ZNF143: variants seen among roughly 807,000 people sequenced by gnomAD.
The protein encoded by ZNF143 is zinc finger protein 143.
A neutral mutation model predicts 74.1 loss-of-function variants in ZNF143; 49 were observed. The observed-to-expected ratio is 0.66, with a 90% CI of 0.53 to 0.84. The LOEUF is 0.84. ZNF143 is among the 40% of genes least tolerant of loss of function. The pLI, the probability that ZNF143 is intolerant of heterozygous loss-of-function variation, is 0.00. For missense variants in ZNF143, 637 were observed against 793.4 expected, an observed-to-expected ratio of 0.80 and a Z score of 2.37; for synonymous variants, 304 against 282.8, an observed-to-expected ratio of 1.07 and a Z score of -0.75.
In ZNF143 at chr11:9,515,122, C is replaced by T. The variant is rs140101267; in HGVS notation, c.1525-1079C>T. Among the ~76,000 whole-genome samples the T allele has an allele frequency of 8.2e-3, 1,242 of 151,500 alleles. 18 individuals carry two copies. Among genetic ancestry groups the T allele is most frequent in the Non-Finnish European group, 8.7e-3 (587 of 67,800 alleles). ...CAGCCTGGGCAACAAGAGTGAAACT[C>T]CTCAAAAAAAAAGTCTGAACTATAG... On this transcript the variant is annotated intron_variant, in intron 13 of 15. Transcript: ENST00000396602.
chr11:9,512,694 G>T, intron 13 of ZNF143, 98 bp downstream of exon 13: 10 of 1,492,794 alleles, frequency 6.7e-6, no homozygotes, highest in Non-Finnish European at 9.1e-6. Flanking sequence ...TGAAATATCA[G>T]GGCACAAAGT....
At chr11:9,479,031 ATAGAT>A (rs1356601037) in intron 6 of ZNF143, among the ~76,000 whole-genome samples, 2 of 152,224 alleles carry the variant, frequency 1.3e-5, no homozygotes, top group Non-Finnish European at 2.9e-5. Context: ...AGTAGGAACT[ATAGAT>A]TAGGAAAAGT....
At chr11:9,470,531 A>G (rs1203713743) in intron 1 of ZNF143, among the ~76,000 whole-genome samples, 2 of 152,154 alleles carry the variant, frequency 1.3e-5, no homozygotes, top group African/African-American at 2.4e-5. Context: ...GATACTGGGG[A>G]CAATGTTTCA....
chr11:9,493,404 A>C (rs1328619886), intron 7 of ZNF143, among the ~76,000 whole-genome samples: 1 of 152,068 alleles, frequency 6.6e-6, no homozygotes, highest in Admixed American at 6.6e-5. Context: ...TTATCAACAG[A>C]TCTACCTTTA....
chr11:9,514,300 C>G (rs1432641185), intron 13 of ZNF143, among the ~76,000 whole-genome samples: 1 of 152,218 alleles, frequency 6.6e-6, no homozygotes, highest in Non-Finnish European at 1.5e-5. Flanking sequence ...AAACAACTAT[C>G]TTTCCCATCC....
chr11:9,506,805 CTTTTCT>C (rs1242827461), intron 11 of ZNF143, among the ~76,000 whole-genome samples: 3 of 151,990 alleles, frequency 2.0e-5, no homozygotes, highest in African/African-American at 7.2e-5. Context: ...GTCCTTTTTT[CTTTTCT>C]TTTTCTTTTT....
intron 1 of ZNF143, among the ~76,000 whole-genome samples, chr11:9,463,106 G>A (rs1281338131): frequency 6.6e-6 from 1 of 152,090 alleles, no homozygotes; most frequent in Non-Finnish European, 1.5e-5. Context: ...GTTATAACAT[G>A]TGTCAATACT....
intron 7 of ZNF143, among the ~76,000 whole-genome samples, chr11:9,490,771 T>C (rs1297324717): frequency 6.6e-6 from 1 of 152,186 alleles, no homozygotes; most frequent in Non-Finnish European, 1.5e-5. Flanking sequence ...CTCATTCTGA[T>C]GCCCAAGCTG....
At chr11:9,495,507 C>G (rs761789389) in intron 8 of ZNF143, among the ~76,000 whole-genome samples, 3 of 152,166 alleles carry the variant, frequency 2.0e-5, no homozygotes, top group Non-Finnish European at 4.4e-5. Context: ...CATAACAGAA[C>G]ATACCATGAC....
intron 14 of ZNF143, among the ~76,000 whole-genome samples, chr11:9,519,361 G>C (rs973458842): frequency 2.0e-5 from 3 of 152,102 alleles, no homozygotes; most frequent in Admixed American, 2.0e-4. Context: ...GGCCATGCTG[G>C]TCTCGAACTC....
At position 9,512,524 on chromosome 11, in the gene ZNF143, A is replaced by C; in HGVS notation, c.1452A>C (p.Thr484=). 6.2e-7 allele frequency: 1 copy of C among 1,614,188 alleles called. No individual in the cohort carries two copies. The highest frequency in any genetic ancestry group is 8.5e-7 in the Non-Finnish European group (1 of 1,180,014). ...TGVEGDDVVS[T]QVATVTQSGL... is the part of the protein sequence containing the mutation. The stretch of plus-strand genomic sequence containing the variant: ...TAGAAGGGGACGACGTTGTTTCTAC[A>C]CAAGTAGCCACAGTAACCCAATCTG... The change falls in exon 13 of 16, where the codon ACA becomes ACC. Residue 484 remains threonine, a synonymous_variant. Transcript: ENST00000396602.
chr11:9,487,550 G>T (rs569109055), intron 7 of ZNF143, among the ~76,000 whole-genome samples: 37 of 151,622 alleles, frequency 2.4e-4, no homozygotes, highest in African/African-American at 7.0e-4. Flanking sequence ...GTAGAGATGG[G>T]GTTTCACCGT....
chr11:9,484,799 G>GTTTTTTTTTTTTTTTTTTTT (rs1316309780), intron 7 of ZNF143, among the ~76,000 whole-genome samples: 6 of 24,234 alleles, frequency 2.5e-4, no homozygotes, highest in Non-Finnish European at 2.1e-4. Context: ...CCTGGCCAAA[G>GTTTTTTTTTTTTTTTTTTTT]ATTTTTTTTT....
At chr11:9,512,676 G>T in intron 13 of ZNF143, 80 bp downstream of exon 13, 1 of 1,559,392 alleles carries the variant, frequency 6.4e-7, no homozygotes. Flanking sequence ...CCCCATTGAG[G>T]AAAGCTTTGA....
At chr11:9,474,679 G>A in intron 5 of ZNF143, 46 bp downstream of exon 5, 1 of 1,556,856 alleles carries the variant, frequency 6.4e-7, no homozygotes, top group Non-Finnish European at 8.9e-7. Context: ...AGAAGTGGGA[G>A]TGGTGGGGGA....
Position 9,516,228 on chromosome 11 carries a change from G to C in ZNF143, c.1552G>C (p.Ala518Pro). 1 of 1,613,958 alleles carries C rather than the reference G, an allele frequency of 6.2e-7. No individual in the cohort carries two copies. The highest frequency in any genetic ancestry group is 8.5e-7 in the Non-Finnish European group (1 of 1,179,926). ...CAACATATCTCAAGCTGACATGCAG[G>C]CCATTGGCAACACCATCACAATGGT... ...HVNISQADMQ[A>P]IGNTITMVTQ... The change falls in exon 14 of 16, where the codon GCC becomes CCC. Residue 518 changes from alanine to proline, a missense_variant. This residue lies in a region of ZNF143 where 344 missense variants were observed against 485.6 expected (regional missense o/e 0.71). Coordinates refer to ENST00000396602, the MANE Select transcript of ZNF143 (RefSeq NM_003442.6).
At chr11:9,480,084 C>T (rs1400940856) in intron 7 of ZNF143, among the ~76,000 whole-genome samples, 1 of 152,210 alleles carries the variant, frequency 6.6e-6, no homozygotes, top group East Asian at 1.9e-4. Context: ...GGCCTGTGGG[C>T]TGGCTTCCCG....
At chr11:9,486,471 C>T (rs1847555580) in intron 7 of ZNF143, among the ~76,000 whole-genome samples, 1 of 60,712 alleles carries the variant, frequency 1.6e-5, no homozygotes, top group African/African-American at 5.7e-5. Flanking sequence ...TATATAAAAG[C>T]CCTGTTTTTT....
intron 14 of ZNF143, among the ~76,000 whole-genome samples, chr11:9,519,414 A>T (rs1269332157): frequency 1.3e-5 from 2 of 151,946 alleles, no homozygotes; most frequent in African/African-American, 4.8e-5. Flanking sequence ...CCAAAGTGCT[A>T]GGATTACAGG....
Sources: gnomAD v4.1 joint callset for allele counts (sites outside exome capture counted in the v4.1 genomes callset) on GRCh38, gnomAD v4.1.1 for gene constraint, gnomAD v4.1.1 regional missense constraint, MANE v1.5 for transcripts, NCBI Gene and HGNC (gene_info 2026-07-23, HGNC 2026-07-21) for gene names.